The following CTNNBL1 variants were observed in gnomAD, a reference collection of about 807,000 sequenced individuals.
CTNNBL1 encodes the protein beta-catenin-like protein 1.
A neutral mutation model predicts 72.7 loss-of-function variants in CTNNBL1; 31 were observed. The ratio of observed to expected loss-of-function variants is 0.43; its 90% confidence interval spans 0.32 to 0.58. CTNNBL1 has a LOEUF of 0.58. Among genes scored for constraint, CTNNBL1 ranks in the 20% least tolerant of loss-of-function variants. The probability of loss-of-function intolerance (pLI) is 0.08; values close to 1 mark genes in which losing one functional copy is unlikely to be tolerated. For missense variants in CTNNBL1, 534 were observed against 725.1 expected (o/e 0.74, Z 3.03); for synonymous variants, 240 against 267.3 (o/e 0.90, Z 1.00).
chr20:37,814,372 G>A (rs2072036491), intron 11 of CTNNBL1, among the ~76,000 whole-genome samples: 1 of 152,076 alleles, frequency 6.6e-6, no homozygotes, highest in Admixed American at 6.5e-5. Context: ...CTCACTTTGT[G>A]TGCCTCTTGT....
At chr20:37,724,463 G>A (rs1229208299) in intron 1 of CTNNBL1, among the ~76,000 whole-genome samples, 1 of 152,208 alleles carries the variant, frequency 6.6e-6, no homozygotes, top group Non-Finnish European at 1.5e-5. Context: ...GAGAGTGTAA[G>A]TGGAAAGGTT....
chr20:37,841,611 G>A (rs1365631854), intron 12 of CTNNBL1, among the ~76,000 whole-genome samples: 1 of 152,128 alleles, frequency 6.6e-6, no homozygotes, highest in South Asian at 2.1e-4. Flanking sequence ...AGTTGCCAAG[G>A]GCTGTGGTGG....
intron 13 of CTNNBL1, among the ~76,000 whole-genome samples, chr20:37,852,754 G>A (rs1487826846): frequency 2.6e-5 from 4 of 152,096 alleles, no homozygotes; most frequent in African/African-American, 4.8e-5. Flanking sequence ...GCTTCACGAC[G>A]GTTTTTTGTA....
chr20:37,825,028 C>T (rs2072145710), intron 11 of CTNNBL1, among the ~76,000 whole-genome samples: 1 of 152,104 alleles, frequency 6.6e-6, no homozygotes, highest in African/African-American at 2.4e-5. Context: ...TCACAGTATC[C>T]CTCCAAATAA....
intron 13 of CTNNBL1, among the ~76,000 whole-genome samples, chr20:37,849,136 C>T (rs2122834323): frequency 6.6e-6 from 1 of 152,336 alleles, no homozygotes; most frequent in East Asian, 1.9e-4. Flanking sequence ...ACTACCAACA[C>T]TTACATTCAG....
intron 6 of CTNNBL1, among the ~76,000 whole-genome samples, chr20:37,765,683 A>G (rs1319448409): frequency 6.6e-6 from 1 of 152,204 alleles, no homozygotes; most frequent in African/African-American, 2.4e-5. Flanking sequence ...GGAACTGCAA[A>G]CTTTTGGACC....
At chr20:37,755,870 C>T (rs1297272185) in intron 4 of CTNNBL1, among the ~76,000 whole-genome samples, 1 of 152,164 alleles carries the variant, frequency 6.6e-6, no homozygotes. Flanking sequence ...CTCCTGTGTG[C>T]CACCCCCGTC....
chr20:37,843,842 C>T (rs1027162668), intron 13 of CTNNBL1, among the ~76,000 whole-genome samples: 2 of 152,142 alleles, frequency 1.3e-5, no homozygotes, highest in African/African-American at 4.8e-5. Flanking sequence ...CAGAAGTTTG[C>T]GGATTGATTG....
chr20:37,767,876 C>G, intron 6 of CTNNBL1, 77 bp from the exon 7 acceptor site: 1 of 1,141,984 alleles, frequency 8.8e-7, no homozygotes, highest in South Asian at 1.2e-5. Flanking sequence ...GAATAACATG[C>G]CTGTCATGGG....
At chr20:37,761,258 T>C (rs1298241381) in intron 5 of CTNNBL1, among the ~76,000 whole-genome samples, 2 of 152,234 alleles carry the variant, frequency 1.3e-5, no homozygotes, top group East Asian at 1.9e-4. Flanking sequence ...ATTTGCTTTA[T>C]AGAAACGCTT....
intron 10 of CTNNBL1, among the ~76,000 whole-genome samples, chr20:37,789,292 C>T (rs2073704196): frequency 1.3e-5 from 2 of 152,150 alleles, no homozygotes; most frequent in African/African-American, 4.8e-5. Context: ...GCAGCTCAGC[C>T]TGCTTCTTTC....
At chr20:37,864,547 A>G (rs1297823355) in intron 15 of CTNNBL1, among the ~76,000 whole-genome samples, 1 of 152,068 alleles carries the variant, frequency 6.6e-6, no homozygotes, top group Non-Finnish European at 1.5e-5. Context: ...TTGATGGCTC[A>G]TTACAGCCCC....
At chr20:37,739,432 A>G (rs900322396) in intron 3 of CTNNBL1, among the ~76,000 whole-genome samples, 1 of 152,028 alleles carries the variant, frequency 6.6e-6, no homozygotes, top group East Asian at 1.9e-4. Flanking sequence ...ATTATTTTCT[A>G]TTAATGGACA....
chr20:37,744,633 C>T (rs1248464245), intron 3 of CTNNBL1: 1 of 152,164 alleles, frequency 6.6e-6, no homozygotes, highest in Non-Finnish European at 1.5e-5. Flanking sequence ...GGCCAGCCAT[C>T]TTGGCTCAGC....
Position 37,781,601 on chromosome 20 carries a change from C to T in CTNNBL1, c.1031+2266C>T, listed in dbSNP as rs1307443572. 2.0e-5 allele frequency among the ~76,000 whole-genome samples: 3 copies of T among 152,148 alleles called. 1 individual carries two copies. The highest frequency in any genetic ancestry group is 4.4e-5 in the Non-Finnish European group (3 of 68,008). On this transcript the variant is annotated intron_variant, in intron 10 of 15. Transcript: ENST00000361383. ...GCAGATTCAGCATTTCCTTTTTTCT[C>T]ATTCCCATACTCTTTGTTCTGTGTT...
intron 15 of CTNNBL1, among the ~76,000 whole-genome samples, chr20:37,867,026 A>C (rs1446540251): frequency 6.6e-6 from 1 of 152,210 alleles, no homozygotes; most frequent in Non-Finnish European, 1.5e-5. Context: ...CATTGTAAGC[A>C]AGAGCAAGGG....
At chr20:37,823,548 C>T (rs544471512) in intron 11 of CTNNBL1, among the ~76,000 whole-genome samples, 7 of 152,140 alleles carry the variant, frequency 4.6e-5, no homozygotes, top group East Asian at 3.9e-4. Flanking sequence ...GAGGAGGGAG[C>T]GGCTGTTTGA....
intron 5 of CTNNBL1, among the ~76,000 whole-genome samples, chr20:37,759,442 C>T (rs982775432): frequency 3.9e-5 from 6 of 152,118 alleles, no homozygotes; most frequent in African/African-American, 1.4e-4. Flanking sequence ...GCATGTAAAA[C>T]ATACCCAGAA....
At chr20:37,870,823 C>G (rs982454764) in intron 15 of CTNNBL1, among the ~76,000 whole-genome samples, 5 of 152,162 alleles carry the variant, frequency 3.3e-5, no homozygotes, top group African/African-American at 1.2e-4. Context: ...GCTGTGGCCA[C>G]GCTGACCTCT....
Sources: gnomAD v4.1 joint callset for allele counts (sites outside exome capture counted in the v4.1 genomes callset) on GRCh38, gnomAD v4.1.1 for gene constraint, MANE v1.5 for transcripts, NCBI Gene and HGNC (gene_info 2026-07-23, HGNC 2026-07-21) for gene names.